CXADR: variants seen among roughly 807,000 people sequenced by gnomAD.
CXADR encodes the protein coxsackievirus and adenovirus receptor.
Under a neutral mutation model 40.3 loss-of-function variants are expected in CXADR, and 20 were observed. The ratio of observed to expected loss-of-function variants is 0.50; its 90% CI spans 0.35 to 0.72. The LOEUF is 0.72. Ranked by LOEUF, CXADR falls within the 30% of genes least tolerant of loss-of-function variation. The pLI is 0.01. For missense variants in CXADR, 332 were observed against 449.1 expected (o/e 0.74, Z 2.36); for synonymous variants, 150 against 161.3 (o/e 0.93, Z 0.53).
chr21:17,575,270 G>A (rs1409600282), intron 7 of CXADR, among the ~76,000 whole-genome samples: 3 of 151,812 alleles, frequency 2.0e-5, no homozygotes, highest in Admixed American at 6.6e-5. Context: ...CTGCAGCCTC[G>A]ATCTTCTTTG....
the CXADR span, chr21:17,608,908 C>A: frequency 1.3e-6 from 2 of 1,495,556 alleles, no homozygotes; most frequent in African/African-American, 1.4e-5. Context: ...ACCCTTCAAT[C>A]ATCCGGCCTT....
At chr21:17,615,503 T>C in the CXADR span, among the ~76,000 whole-genome samples, 3 of 152,130 alleles carry the variant, frequency 2.0e-5, no homozygotes, top group Non-Finnish European at 4.4e-5. Flanking sequence ...CAGTAAGAGA[T>C]TAACAATAAT....
intron 7 of CXADR, among the ~76,000 whole-genome samples, chr21:17,587,730 CTTTAG>C (rs1048911609): frequency 1.3e-5 from 2 of 151,986 alleles, no homozygotes; most frequent in Non-Finnish European, 2.9e-5. Context: ...TGCAGAAGCT[CTTTAG>C]TTTAATTAGA....
At chr21:17,557,902 T>C (rs2061056377) in intron 3 of CXADR, among the ~76,000 whole-genome samples, 1 of 152,104 alleles carries the variant, frequency 6.6e-6, no homozygotes, top group Admixed American at 6.5e-5. Flanking sequence ...TTAAAAGTGA[T>C]CAGCCCACGT....
At chr21:17,634,085 C>G in the CXADR span, among the ~76,000 whole-genome samples, 1,256 of 152,274 alleles carry the variant, frequency 8.2e-3, 10 homozygotes, top group Non-Finnish European at 0.014. Context: ...CTCAGAATAG[C>G]CTCACATACA....
chr21:17,530,114 A>ATT (rs56341807), intron 1 of CXADR, among the ~76,000 whole-genome samples: 6,339 of 94,840 alleles, frequency 0.067, 395 homozygotes, highest in African/African-American at 0.074. Flanking sequence ...ATGCCAGGCT[A>ATT]TTTTTTTTTT....
intron 1 of CXADR, among the ~76,000 whole-genome samples, chr21:17,530,970 ATTGTACCAGTTGACAC>A (rs1282450164): frequency 6.6e-6 from 1 of 152,138 alleles, no homozygotes; most frequent in Non-Finnish European, 1.5e-5. Flanking sequence ...TCCAAAGCTA[ATTGTACCAGTTGACAC>A]TTCGATCAAA....
chr21:17,599,282 C>A, the CXADR span, among the ~76,000 whole-genome samples: 2 of 150,260 alleles, frequency 1.3e-5, no homozygotes, highest in African/African-American at 4.9e-5. Context: ...CTCAGGTGAT[C>A]GATCCTCCAA....
chr21:17,630,650 CTTTTTTTTT>C, the CXADR span, among the ~76,000 whole-genome samples: 6 of 116,998 alleles, frequency 5.1e-5, no homozygotes, highest in African/African-American at 2.0e-4. Context: ...CTTCCTTCTT[CTTTTTTTTT>C]TTTTTTTTTG....
At position 17,559,162 on chromosome 21, in the gene CXADR, G is replaced by A. The variant is rs371708458; in HGVS notation, c.571+31G>A. On this transcript the variant is annotated intron_variant, in intron 4 of 6. Transcript: ENST00000284878. ...GCTGATAATAGTATTTGTACCACAT[G>A]CCATTGATTTGGACTAAGATCTAGT... 6.2e-6 allele frequency: 10 copies of A among 1,610,586 alleles called. No individual in the cohort carries two copies. In the African/African-American group the frequency reaches 8.0e-5, roughly 13 times the overall value.
downstream of CXADR, among the ~76,000 whole-genome samples, chr21:17,595,294 G>A (rs2061490152): frequency 6.6e-6 from 1 of 151,960 alleles, no homozygotes; most frequent in African/African-American, 2.4e-5. Flanking sequence ...GCATTTCTAA[G>A]TATAGGATTT....
intron 1 of CXADR, among the ~76,000 whole-genome samples, chr21:17,542,868 GTC>G (rs1243556308): frequency 5.9e-5 from 9 of 152,210 alleles, no homozygotes; most frequent in African/African-American, 2.2e-4. Context: ...CAGGGCCGCT[GTC>G]TGAGACCAAG....
At chr21:17,549,488 G>T (rs925055606) in intron 2 of CXADR, among the ~76,000 whole-genome samples, 2 of 152,178 alleles carry the variant, frequency 1.3e-5, no homozygotes, top group East Asian at 3.8e-4. Context: ...AATGGATCTG[G>T]TCTGCATCTT....
At chr21:17,553,153 C>A (rs1372643540) in intron 3 of CXADR, among the ~76,000 whole-genome samples, 1 of 152,272 alleles carries the variant, frequency 6.6e-6, no homozygotes, top group East Asian at 1.9e-4. Flanking sequence ...AAACTCCTGA[C>A]CTCAGGTGAT....
intron 7 of CXADR, among the ~76,000 whole-genome samples, chr21:17,583,742 ATATCT>A (rs1341095958): frequency 6.6e-6 from 1 of 152,226 alleles, no homozygotes; most frequent in African/African-American, 2.4e-5. Context: ...GAAGAGAGAA[ATATCT>A]TAAAGAGATT....
At chr21:17,546,824 G>A (rs1226121702) in intron 1 of CXADR, among the ~76,000 whole-genome samples, 1 of 152,158 alleles carries the variant, frequency 6.6e-6, no homozygotes, top group African/African-American at 2.4e-5. Context: ...TATCAAATAA[G>A]ATGATACTAC....
intron 1 of CXADR, among the ~76,000 whole-genome samples, chr21:17,532,609 A>G (rs898995884): frequency 2.6e-5 from 4 of 152,152 alleles, no homozygotes; most frequent in Non-Finnish European, 4.4e-5. Context: ...TTTTTACATA[A>G]TAAATTGTGA....
intron 3 of CXADR, among the ~76,000 whole-genome samples, chr21:17,555,493 T>C (rs1569121954): frequency 6.6e-6 from 1 of 152,234 alleles, no homozygotes; most frequent in African/African-American, 2.4e-5. Flanking sequence ...ATATTATAAT[T>C]ATCAAAACCA....
chr21:17,563,669 C>T (rs887528241), intron 6 of CXADR, among the ~76,000 whole-genome samples: 2 of 151,892 alleles, frequency 1.3e-5, no homozygotes, highest in South Asian at 2.1e-4. Context: ...TGGCCGGGCA[C>T]GGTGGCTCAC....
Sources: allele counts gnomAD v4.1 joint callset (sites outside exome capture counted in the v4.1 genomes callset), GRCh38; gene constraint gnomAD v4.1.1; transcripts MANE v1.5; gene names NCBI Gene and HGNC (gene_info 2026-07-23, HGNC 2026-07-21).